The following ATP6V0A4 variants were observed in gnomAD, a reference collection of about 807,000 sequenced individuals.
The protein encoded by ATP6V0A4 is ATPase H+ transporting V0 subunit a4.
A neutral mutation model predicts 107.3 loss-of-function variants in ATP6V0A4; 86 were observed. The ratio of observed to expected loss-of-function variants is 0.80; its 90% confidence interval spans 0.67 to 0.96. ATP6V0A4 has a LOEUF of 0.96. ATP6V0A4 is among the 40% of genes least tolerant of loss of function. The pLI is 0.00. For missense variants in ATP6V0A4, 908 were observed against 1,045.6 expected (o/e 0.87, Z 1.81); for synonymous variants, 353 against 381.4 (o/e 0.93, Z 0.87).
At chr7:138,771,351 T>C in intron 2 of ATP6V0A4, 87 bp from the exon 3 acceptor site, 1 of 1,433,634 alleles carries the variant, frequency 7.0e-7, no homozygotes, top group South Asian at 1.3e-5. Context: ...TAAATTAAAA[T>C]CTAACAGGGA....
intron 11 of ATP6V0A4, 124 bp downstream of exon 11, chr7:138,752,499 AAG>A: frequency 8.1e-7 from 1 of 1,232,026 alleles, no homozygotes; most frequent in Non-Finnish European, 1.2e-6. Flanking sequence ...TGAAGACACA[AAG>A]ATGAAGGAAG....
At chr7:138,756,812 G>A (rs1806537362) in intron 8 of ATP6V0A4, among the ~76,000 whole-genome samples, 2 of 152,122 alleles carry the variant, frequency 1.3e-5, no homozygotes, top group Non-Finnish European at 2.9e-5. Flanking sequence ...TCAGCTCTAA[G>A]CCCCACATTT....
intron 1 of ATP6V0A4, among the ~76,000 whole-genome samples, chr7:138,787,112 C>T (rs921269788): frequency 1.2e-4 from 19 of 152,102 alleles, no homozygotes; most frequent in Middle Eastern, 3.2e-3. Flanking sequence ...AGGTAATTGG[C>T]GGCAGAGCTG....
chr7:138,739,333 T>G (rs1207941953), intron 15 of ATP6V0A4, among the ~76,000 whole-genome samples: 1 of 152,158 alleles, frequency 6.6e-6, no homozygotes, highest in African/African-American at 2.4e-5. Flanking sequence ...TTTGGGGGAC[T>G]GTATGGAAAA....
At position 138,731,215 on chromosome 7, in the gene ATP6V0A4, G is replaced by A. The variant is rs561052961; in HGVS notation, c.1908+1662C>T. 5.3e-5 allele frequency among the ~76,000 whole-genome samples: 8 copies of A among 152,278 alleles called. No individual in the cohort carries two copies. In the East Asian group the frequency reaches 9.7e-4, roughly 18 times the overall value. On this transcript the variant is annotated intron_variant, in intron 17 of 21. Coordinates refer to ENST00000310018, the MANE Select transcript of ATP6V0A4 (RefSeq NM_020632.3). ...CTCCCAAAGTGATGGGATTACAGGC[G>A]TGAGCCACTACGCCCAGCCTTTTCT...
chr7:138,734,026 T>A, intron 16 of ATP6V0A4, 110 bp downstream of exon 16: 2 of 1,295,804 alleles, frequency 1.5e-6, no homozygotes, highest in Non-Finnish European at 2.2e-6. Context: ...GTACCCCTCA[T>A]AGGAAGAAAA....
At chr7:138,774,812 T>C (rs1807583018) in intron 2 of ATP6V0A4, among the ~76,000 whole-genome samples, 1 of 151,972 alleles carries the variant, frequency 6.6e-6, no homozygotes, top group South Asian at 2.1e-4. Flanking sequence ...CAAAACACTC[T>C]ACTTTCAAAG....
intron 15 of ATP6V0A4, among the ~76,000 whole-genome samples, chr7:138,737,695 C>T (rs944977611): frequency 2.0e-5 from 3 of 151,228 alleles, no homozygotes; most frequent in African/African-American, 7.3e-5. Flanking sequence ...ACTTCTCCTG[C>T]CTCAGCCTCC....
At chr7:138,706,799 G>A (rs763437707) in intron 21 of ATP6V0A4, 82 bp from the exon 22 acceptor site, 57 of 1,584,118 alleles carry the variant, frequency 3.6e-5, no homozygotes, top group Non-Finnish European at 4.6e-5. Flanking sequence ...AGGGAAGGAG[G>A]AAGCAGAGCG....
chr7:138,772,050 T>C (rs1563014198), intron 2 of ATP6V0A4, among the ~76,000 whole-genome samples: 2 of 152,248 alleles, frequency 1.3e-5, no homozygotes. Flanking sequence ...GATTCCAGAA[T>C]ACTTTGTCTT....
chr7:138,749,296 C>T lies in ATP6V0A4; in HGVS notation c.1051G>A (p.Ala351Thr), dbSNP rs1380606867. ...QGMELSGSSMAPIMTTVQSKT... is the reference protein window; with the variant it reads ...QGMELSGSSMTPIMTTVQSKT... ...GATTGCACTGTGGTCATGATGGGGG[C>T]CATGGAGGAGCCACTTAGTTCCTGG... is the stretch of plus-strand genomic sequence containing the variant. Residue 351 changes from alanine to threonine, a missense_variant, in exon 12 of 22, where the codon GCC becomes ACC. By Grantham distance (58) the Ala-to-Thr change is moderately conservative. Transcript: ENST00000310018. 5 of 1,608,066 alleles carry T rather than the reference C, an allele frequency of 3.1e-6. No individual in the cohort carries two copies. The highest frequency in any genetic ancestry group is 2.2e-5 in the East Asian group (1 of 44,742).
chr7:138,782,027 CA>C (rs1394921212), intron 2 of ATP6V0A4, among the ~76,000 whole-genome samples: 1 of 152,108 alleles, frequency 6.6e-6, no homozygotes, highest in African/African-American at 2.4e-5. Flanking sequence ...AAACATTGGA[CA>C]ACCACTAGCC....
At chr7:138,777,735 TAAAAA>T (rs1190302501) in intron 2 of ATP6V0A4, among the ~76,000 whole-genome samples, 5 of 144,898 alleles carry the variant, frequency 3.5e-5, no homozygotes, top group African/African-American at 1.0e-4. Flanking sequence ...CCAGTAAAAA[TAAAAA>T]CCCTGTACAG....
chr7:138,747,675 C>T, intron 12 of ATP6V0A4, 111 bp from the exon 13 acceptor site: 1 of 1,510,042 alleles, frequency 6.6e-7, no homozygotes, highest in South Asian at 1.3e-5. Flanking sequence ...TTAAGCCTTT[C>T]TGGTTGTCTT....
intron 1 of ATP6V0A4, among the ~76,000 whole-genome samples, chr7:138,790,839 G>A (rs993180179): frequency 1.3e-5 from 2 of 152,110 alleles, no homozygotes; most frequent in African/African-American, 4.8e-5. Flanking sequence ...GATTTGTGTT[G>A]CCCCCAAGCA....
At chr7:138,731,366 C>T (rs1211322765) in intron 17 of ATP6V0A4, among the ~76,000 whole-genome samples, 2 of 152,198 alleles carry the variant, frequency 1.3e-5, no homozygotes, top group Admixed American at 1.3e-4. Context: ...CAACAGACAA[C>T]CTCTGCACTG....
intron 20 of ATP6V0A4, among the ~76,000 whole-genome samples, chr7:138,712,570 G>T (rs1282788670): frequency 6.6e-6 from 1 of 152,166 alleles, no homozygotes; most frequent in East Asian, 1.9e-4. Context: ...TGGTAGAAAA[G>T]GAACCAGAAT....
intron 12 of ATP6V0A4, among the ~76,000 whole-genome samples, chr7:138,748,854 T>C (rs1211614730): frequency 6.6e-6 from 1 of 152,118 alleles, no homozygotes; most frequent in African/African-American, 2.4e-5. Flanking sequence ...ATTGTATTGG[T>C]GAAGGAAATG....
intron 7 of ATP6V0A4, among the ~76,000 whole-genome samples, chr7:138,760,176 G>T (rs952613167): frequency 2.6e-5 from 4 of 152,130 alleles, no homozygotes; most frequent in Non-Finnish European, 4.4e-5. Context: ...AGGCGCCGTG[G>T]CTCACACCTG....
Sources: allele counts gnomAD v4.1 joint callset (sites outside exome capture counted in the v4.1 genomes callset), GRCh38; gene constraint gnomAD v4.1.1; transcripts MANE v1.5; gene names NCBI Gene and HGNC (gene_info 2026-07-23, HGNC 2026-07-21).